COBLL1: variants seen among roughly 807,000 people sequenced by gnomAD.
The protein encoded by COBLL1 is cordon-bleu protein-like 1.
A neutral mutation model predicts 94.8 loss-of-function variants in COBLL1; 50 were observed. The observed-to-expected ratio is 0.53, with a 90% CI of 0.42 to 0.67. The LOEUF (loss-of-function observed/expected upper bound fraction) is 0.67, where lower values mean the gene tolerates loss of function less well. Among genes scored for constraint, COBLL1 ranks in the 30% least tolerant of loss-of-function variants. The pLI is 0.00. For synonymous variants in COBLL1, 448 were observed against 473.8 expected (o/e 0.95, Z 0.71); for missense variants, 1,362 against 1,348.7 (o/e 1.01, Z -0.15).
chr2:164,664,700 G>T (rs761094899), intron 2 of COBLL1, among the ~76,000 whole-genome samples: 1 of 152,066 alleles, frequency 6.6e-6, no homozygotes, highest in South Asian at 2.1e-4. Context: ...TTCATAAGGC[G>T]TCTATTTATA....
At chr2:164,763,862 G>A (rs1368021094) in intron 2 of COBLL1, among the ~76,000 whole-genome samples, 1 of 152,130 alleles carries the variant, frequency 6.6e-6, no homozygotes, top group African/African-American at 2.4e-5. Flanking sequence ...TTAAAATTTT[G>A]CCTTTAAAGA....
chr2:164,782,735 T>C (rs1688774961), intron 2 of COBLL1, among the ~76,000 whole-genome samples: 1 of 152,184 alleles, frequency 6.6e-6, no homozygotes, highest in Non-Finnish European at 1.5e-5. Context: ...CTGTTATTAA[T>C]ATAACAAGTA....
intron 2 of COBLL1, among the ~76,000 whole-genome samples, chr2:164,767,576 C>T (rs1432706325): frequency 1.3e-5 from 2 of 152,300 alleles, no homozygotes; most frequent in East Asian, 3.9e-4. Flanking sequence ...TTCTTGCACA[C>T]ATAGCATACA....
intron 2 of COBLL1, among the ~76,000 whole-genome samples, chr2:164,805,321 C>CTATATATATA (rs1559033315): frequency 5.6e-5 from 2 of 35,588 alleles, no homozygotes; most frequent in African/African-American, 1.1e-4. Flanking sequence ...CTCTCTCTCT[C>CTATATATATA]TCTCTCTCTC....
chr2:164,764,464 A>T (rs1050773499), intron 2 of COBLL1, among the ~76,000 whole-genome samples: 1 of 152,226 alleles, frequency 6.6e-6, no homozygotes, highest in Non-Finnish European at 1.5e-5. Context: ...TAGTATGAAC[A>T]TGATTTTCTT....
At chr2:164,668,454 C>T (rs1164147858) in intron 1 of COBLL1, among the ~76,000 whole-genome samples, 1 of 152,130 alleles carries the variant, frequency 6.6e-6, no homozygotes, top group African/African-American at 2.4e-5. Flanking sequence ...GGGGGAATGG[C>T]TGGTTGTTGG....
At chr2:164,775,961 A>G (rs941722843) in intron 2 of COBLL1, among the ~76,000 whole-genome samples, 3 of 152,100 alleles carry the variant, frequency 2.0e-5, no homozygotes, top group Admixed American at 6.5e-5. Flanking sequence ...CCCTGCCTCA[A>G]TAACAGCCCC....
chr2:164,687,539 C>T, intron 13 of COBLL1: 2 of 1,295,826 alleles, frequency 1.5e-6, no homozygotes, highest in East Asian at 2.3e-5. Flanking sequence ...CCAATGTGAC[C>T]CCTGACCACA....
intron 7 of COBLL1, among the ~76,000 whole-genome samples, chr2:164,707,553 G>A (rs1395860388): frequency 2.0e-5 from 3 of 152,102 alleles, no homozygotes; most frequent in African/African-American, 7.2e-5. Context: ...CTATACAGTT[G>A]ACTTATTTGC....
intron 2 of COBLL1, among the ~76,000 whole-genome samples, chr2:164,770,600 T>C (rs1688157933): frequency 6.6e-6 from 1 of 152,164 alleles, no homozygotes; most frequent in Non-Finnish European, 1.5e-5. Flanking sequence ...TTCAGTACCA[T>C]AGAAAGGTAT....
At chr2:164,815,398 CAAAA>C (rs66834267) in intron 2 of COBLL1, among the ~76,000 whole-genome samples, 11 of 112,060 alleles carry the variant, frequency 9.8e-5, no homozygotes, top group Admixed American at 9.2e-5. Flanking sequence ...TATCCTATCT[CAAAA>C]AAAAAAAAAA....
At chr2:164,708,708 G>A (rs1309354028) in intron 7 of COBLL1, among the ~76,000 whole-genome samples, 1 of 152,212 alleles carries the variant, frequency 6.6e-6, no homozygotes, top group Non-Finnish European at 1.5e-5. Context: ...TTAAAGCCAT[G>A]CTCCACTCCT....
Position 164,694,513 on chromosome 2 carries a change from G to T in COBLL1, c.2879C>A (p.Ala960Asp). The change falls in exon 12 of 14, where the codon GCT becomes GAT. Residue 960 changes from alanine (A) to aspartate (D), a missense_variant. Physicochemically the swap from Ala to Asp is moderately radical, Grantham distance 126 (BLOSUM62 -2). Transcript: ENST00000652658. Reference sequence around the variant, plus strand: ...CAGATTTTGTGTGGATACCTGACTAGCAGGAATTGTCACAGGTTTTGGAGC... The same window carrying T: ...CAGATTTTGTGTGGATACCTGACTATCAGGAATTGTCACAGGTTTTGGAGC... ...PIAPKPVTIPASQVSTQNLKT... is the reference protein window; with the variant it reads ...PIAPKPVTIPDSQVSTQNLKT... 1 of 1,613,998 alleles carries T rather than the reference G, an allele frequency of 6.2e-7. No individual in the cohort carries two copies. The highest frequency in any genetic ancestry group is 1.1e-5 in the South Asian group (1 of 91,078).
At chr2:164,788,084 T>C (rs1216284252) in intron 2 of COBLL1, among the ~76,000 whole-genome samples, 2 of 152,176 alleles carry the variant, frequency 1.3e-5, no homozygotes, top group Non-Finnish European at 2.9e-5. Flanking sequence ...TCCCATAACC[T>C]ACCCACATAA....
In COBLL1 at chr2:164,704,973, C is replaced by G. The variant is rs368417754; in HGVS notation, c.1129G>C (p.Asp377His). The change falls in exon 8 of 14, where the codon GAT (aspartate) becomes CAT (histidine). Residue 377 changes from aspartate to histidine, a missense_variant. Transcript: ENST00000652658. ...PPSKIPPHQS[D>H]ENSRVTALQP... is the part of the protein sequence containing the mutation. ...TTACCAGTCACACGACTATTTTCATCACTTTGATGCGGGGGTATTTTGGAG... is the reference window on the plus strand; with the variant it reads ...TTACCAGTCACACGACTATTTTCATGACTTTGATGCGGGGGTATTTTGGAG... 26 of 1,587,954 alleles carry G rather than the reference C, an allele frequency of 1.6e-5. 1 individual carries two copies. In the African/African-American group the frequency reaches 2.4e-4, roughly 15 times the overall value.
At chr2:164,829,672 T>C (rs1227934283) in intron 2 of COBLL1, among the ~76,000 whole-genome samples, 1 of 152,108 alleles carries the variant, frequency 6.6e-6, no homozygotes, top group Non-Finnish European at 1.5e-5. Context: ...TAAATACAAA[T>C]GAAATATCAA....
chr2:164,780,440 CT>C (rs770166761), intron 2 of COBLL1, among the ~76,000 whole-genome samples: 5 of 151,102 alleles, frequency 3.3e-5, no homozygotes, highest in South Asian at 2.1e-4. Flanking sequence ...GACATATGTT[CT>C]TTTTTTTTAA....
intron 2 of COBLL1, among the ~76,000 whole-genome samples, chr2:164,832,726 A>C (rs1683131856): frequency 6.6e-6 from 1 of 152,168 alleles, no homozygotes; most frequent in African/African-American, 2.4e-5. Context: ...TTACTCCTGC[A>C]GCTCTGATTT....
In COBLL1 at chr2:164,704,521, A is replaced by G; in HGVS notation, c.1151-3T>C. Reference sequence around the variant, plus strand: ...AACTCCATCTACTGGCTGTAAGGCTAAAGGAAAGAAGCAACACAACTTATA... The same window carrying G: ...AACTCCATCTACTGGCTGTAAGGCTGAAGGAAAGAAGCAACACAACTTATA... On this transcript the variant is annotated splice_region_variant and splice_polypyrimidine_tract_variant and intron_variant, in intron 8 of 13. Coordinates refer to ENST00000652658, the MANE Select transcript of COBLL1 (RefSeq NM_001365672.2). 1 of 1,609,552 alleles carries G rather than the reference A, an allele frequency of 6.2e-7. No individual in the cohort carries two copies. The highest frequency in any genetic ancestry group is 2.2e-5 in the East Asian group (1 of 44,854).
Sources: allele counts gnomAD v4.1 joint callset (sites outside exome capture counted in the v4.1 genomes callset), GRCh38; gene constraint gnomAD v4.1.1; transcripts MANE v1.5; gene names NCBI Gene and HGNC (gene_info 2026-07-23, HGNC 2026-07-21).